The following OVOL2 variants were observed in gnomAD, a reference collection of about 807,000 sequenced individuals.
The protein encoded by OVOL2 is transcription factor Ovo-like 2.
A neutral mutation model predicts 18.1 loss-of-function variants in OVOL2; 13 were observed. The ratio of observed to expected loss-of-function variants is 0.72; its 90% CI spans 0.47 to 1.14. The LOEUF (loss-of-function observed/expected upper bound fraction) is 1.14. Among genes scored for constraint, OVOL2 ranks in the 50% most tolerant of loss-of-function variants. OVOL2 has a pLI of 0.00. For missense variants in OVOL2, 335 were observed against 383.0 expected (o/e 0.87, Z 1.05); for synonymous variants, 166 against 162.7 (o/e 1.02, Z -0.16).
At chr20:18,048,173 G>C (rs2036741097) in intron 2 of OVOL2, among the ~76,000 whole-genome samples, 1 of 148,952 alleles carries the variant, frequency 6.7e-6, no homozygotes, top group African/African-American at 2.5e-5. Context: ...TATAGTCCCA[G>C]CTACTCAGGA....
chr20:18,036,655 T>C (rs79431638), intron 3 of OVOL2, among the ~76,000 whole-genome samples: 18,341 of 150,464 alleles, frequency 0.12, 1,206 homozygotes, highest in Middle Eastern at 0.17. Flanking sequence ...GTTGGGAGTC[T>C]GAAGGGGTAC....
At position 18,057,422 on chromosome 20, in the gene OVOL2, G is replaced by T. The variant is rs532706251; in HGVS notation, c.100+113C>A. The stretch of plus-strand genomic sequence containing the variant: ...CTAGAAGACCCCCGCGTGCCCCCCG[G>T]AAGAGGGGGATGAGGTGGGGAGCCC... On this transcript the variant is annotated intron_variant, in intron 1 of 3. Coordinates refer to ENST00000278780, the MANE Select transcript of OVOL2 (RefSeq NM_021220.4). This position sits in a 1 kb window ranked among gnomAD's most constrained non-coding sequence, Gnocchi z 6.3. 8.5e-5 allele frequency: 106 copies of T among 1,249,122 alleles called. No individual in the cohort carries two copies. The East Asian group carries it at 2.6e-3, about 31-fold the overall frequency. 77.4% of individuals were successfully genotyped at this position (1,249,122 alleles called of 1,614,324 possible).
intron 2 of OVOL2, among the ~76,000 whole-genome samples, chr20:18,053,751 T>A (rs1406922741): frequency 6.7e-6 from 1 of 150,082 alleles, no homozygotes; most frequent in African/African-American, 2.5e-5. Flanking sequence ...CCTTCTTACA[T>A]CATCCAGAGC....
In OVOL2 at chr20:18,024,871, T is replaced by C; in HGVS notation, c.593A>G (p.His198Arg). The part of the protein sequence containing the change: ...CSLESHLKKI[H>R]GVQQQYAYKQ... The stretch of plus-strand genomic sequence containing the variant: ...ATAGGCATACTGCTGCTGCACCCCA[T>C]GGATTTTCTTCAGGTGGGACTCCAG... The change falls in exon 4 of 4, where the codon CAT becomes CGT. Residue 198 changes from histidine (H) to arginine (R), a missense_variant. Physicochemically the swap from His to Arg is conservative, Grantham distance 29. Transcript: ENST00000278780. The C allele has an allele frequency of 1.2e-6, 2 of 1,614,196 alleles. No individual in the cohort carries two copies. The highest frequency in any genetic ancestry group is 1.3e-5 in the African/African-American group (1 of 75,040).
At chr20:18,029,406 C>G (rs1446337642) in intron 3 of OVOL2, among the ~76,000 whole-genome samples, 1 of 152,094 alleles carries the variant, frequency 6.6e-6, no homozygotes, top group Non-Finnish European at 1.5e-5. Flanking sequence ...TAAAGCTTCC[C>G]CAGGAGGCTC....
At chr20:18,046,393 T>C (rs1312683114) in intron 2 of OVOL2, among the ~76,000 whole-genome samples, 2 of 152,158 alleles carry the variant, frequency 1.3e-5, no homozygotes, top group Non-Finnish European at 1.5e-5. Context: ...AAGTGTCACC[T>C]GCCAGCCATG....
intron 3 of OVOL2, among the ~76,000 whole-genome samples, chr20:18,040,991 G>A (rs1032757398): frequency 6.6e-6 from 1 of 152,064 alleles, no homozygotes; most frequent in Non-Finnish European, 1.5e-5. Flanking sequence ...TTCCAGCCAG[G>A]GATCCGTTTT....
At chr20:18,041,758 C>G in intron 2 of OVOL2, 35 bp from the exon 3 acceptor site, 1 of 1,586,072 alleles carries the variant, frequency 6.3e-7, no homozygotes, top group Non-Finnish European at 8.6e-7. Context: ...GGTCCCCGGG[C>G]AGGCAGGCAC....
chr20:18,045,947 C>T (rs2036721169), intron 2 of OVOL2, among the ~76,000 whole-genome samples: 1 of 152,186 alleles, frequency 6.6e-6, no homozygotes. Flanking sequence ...CCCCATTTCA[C>T]AGCATGGAAA....
Position 18,024,600 on chromosome 20 carries a change from T to C in OVOL2, c.*36A>G. ...AACCAAAAATCCACGTAGACATACG[T>C]GGCAGTGTGAACGTCTGTCCTCCCC... is the stretch of plus-strand genomic sequence containing the variant. On this transcript the variant is annotated 3_prime_UTR_variant, in exon 4 of 4. Coordinates refer to ENST00000278780, the MANE Select transcript of OVOL2 (RefSeq NM_021220.4). 6.6e-7 allele frequency: 1 copy of C among 1,524,044 alleles called. No homozygotes were observed. The highest frequency in any genetic ancestry group is 8.8e-7 in the Non-Finnish European group (1 of 1,131,880). The allele number at this position is 1,524,044 out of a possible 1,614,324, so 94.4% of individuals were successfully genotyped here.
At chr20:18,033,395 C>A (rs557479070) in intron 3 of OVOL2, among the ~76,000 whole-genome samples, 2 of 152,204 alleles carry the variant, frequency 1.3e-5, no homozygotes, top group Non-Finnish European at 2.9e-5. Flanking sequence ...TTCCAGCCAG[C>A]GTTGTTAAGT....
At chr20:18,041,753 CCGGG>C in intron 2 of OVOL2, 30 bp from the exon 3 acceptor site, 1 of 1,593,450 alleles carries the variant, frequency 6.3e-7, no homozygotes, top group Admixed American at 1.7e-5. Flanking sequence ...ATGAGGGTCC[CCGGG>C]CAGGCAGGCA....
chr20:18,029,337 T>C (rs6136264), intron 3 of OVOL2, among the ~76,000 whole-genome samples: 33,454 of 152,098 alleles, frequency 0.22, 4,445 homozygotes, highest in South Asian at 0.41. Context: ...CCTACATATG[T>C]ATTTTAAGAT....
intron 2 of OVOL2, among the ~76,000 whole-genome samples, chr20:18,048,306 T>TTTCCCAATTTGC (rs1330643163): frequency 1.3e-5 from 2 of 152,076 alleles, no homozygotes; most frequent in African/African-American, 4.8e-5. Context: ...AAAAAATTTG[T>TTTCCCAATTTGC]TTCCCAATTT....
chr20:18,047,164 G>A (rs867642493), intron 2 of OVOL2, among the ~76,000 whole-genome samples: 5 of 152,090 alleles, frequency 3.3e-5, no homozygotes, highest in Non-Finnish European at 7.4e-5. Context: ...TTAGTTGTAG[G>A]CAAGTTACCT....
rs576627858 is a variant in OVOL2 at position 18,041,694 on chromosome 20, C to A, written c.351G>T (p.Val117=). The change falls in exon 3 of 4, where the codon GTG becomes GTT. Residue 117 remains valine, a synonymous_variant. Coordinates refer to ENST00000278780, the MANE Select transcript of OVOL2 (RefSeq NM_021220.4). The part of the protein sequence containing the change: ...KFTTGTCSDS[V]VHSCDLCGKG... The stretch of plus-strand genomic sequence containing the variant: ...TGCCACACAGGTCACAGCTGTGAAC[C>A]ACCGAGTCGCTGCACGTGCCTGTGG... 16 of 1,613,670 alleles carry A rather than the reference C, an allele frequency of 9.9e-6. No individual in the cohort carries two copies. The South Asian group carries it at 1.8e-4, about 18-fold the overall frequency.
At chr20:18,053,824 G>A (rs1357580461) in intron 2 of OVOL2, among the ~76,000 whole-genome samples, 3 of 151,770 alleles carry the variant, frequency 2.0e-5, no homozygotes, top group East Asian at 1.9e-4. Flanking sequence ...ATCTCACCCT[G>A]TCCTGGTTAC....
rs2036828281 is a variant in OVOL2, at chr20:18,056,613, AG to A, written c.321+43del. On this transcript the variant is annotated intron_variant, in intron 2 of 3. Transcript: ENST00000278780. This position sits in a 1 kb window ranked among gnomAD's most constrained non-coding sequence, Gnocchi z 4.2. Reference sequence around the variant, plus strand: ...GCGCCGGCCTCGGGAGCCCGACGCCAGGGCGTGGTGCAGGTGGCGGCGGGGG... The same window carrying A: ...GCGCCGGCCTCGGGAGCCCGACGCCAGGCGTGGTGCAGGTGGCGGCGGGGG... 7.5e-7 allele frequency: 1 copy of A among 1,332,678 alleles called. No individual in the cohort carries two copies. The highest frequency in any genetic ancestry group is 9.6e-7 in the Non-Finnish European group (1 of 1,038,666). 82.6% of individuals were successfully genotyped at this position (1,332,678 alleles called of 1,614,324 possible).
rs919453420 is a variant in OVOL2, at chr20:18,057,680, C to T, written c.-46G>A. 4 of 1,530,168 alleles carry T rather than the reference C, an allele frequency of 2.6e-6. No homozygotes were observed. The African/African-American group carries it at 5.6e-5, about 21-fold the overall frequency. The allele number at this position is 1,530,168 out of a possible 1,614,324, so 94.8% of individuals were successfully genotyped here. On this transcript the variant is annotated 5_prime_UTR_variant, in exon 1 of 4. Coordinates refer to ENST00000278780, the MANE Select transcript of OVOL2 (RefSeq NM_021220.4). The surrounding 1 kb of genome is among the most constrained non-coding windows in gnomAD (Gnocchi z 6.3). ...CTGCGGCCCCCTCCTCCCGGCTGCT[C>T]CCCGCTAGGGGCAACGGCGGCGGCT...
Sources: gnomAD v4.1 joint callset for allele counts (sites outside exome capture counted in the v4.1 genomes callset) on GRCh38, gnomAD v4.1.1 for gene constraint, Gnocchi (gnomAD v3.1) non-coding constraint, MANE v1.5 for transcripts, NCBI Gene and HGNC (gene_info 2026-07-23, HGNC 2026-07-21) for gene names.